Variants in CSRNP3 observed in about 807,000 individuals in gnomAD.
CSRNP3 encodes cysteine/serine-rich nuclear protein 3.
CSRNP3 carries 12 observed loss-of-function variants against 48.0 expected under a neutral mutation model. The ratio of observed to expected loss-of-function variants is 0.25; its 90% CI spans 0.16 to 0.41. CSRNP3 has a LOEUF of 0.41. Ranked by LOEUF, CSRNP3 falls within the 10% of genes least tolerant of loss-of-function variation. The pLI is 1.00. For synonymous variants in CSRNP3, 263 were observed against 269.7 expected, an observed-to-expected ratio of 0.98 and a Z score of 0.24; for missense variants, 580 against 724.4, an observed-to-expected ratio of 0.80 and a Z score of 2.29.
intron 5 of CSRNP3, among the ~76,000 whole-genome samples, chr2:165,662,014 A>G (rs1687105327): frequency 6.6e-6 from 1 of 152,132 alleles, no homozygotes; most frequent in Non-Finnish European, 1.5e-5. Context: ...AATAGAGAAC[A>G]CATTTATATA....
chr2:165,563,440 T>C (rs1445351640), intron 3 of CSRNP3, among the ~76,000 whole-genome samples: 1 of 152,180 alleles, frequency 6.6e-6, no homozygotes, highest in Non-Finnish European at 1.5e-5. Context: ...TCCCTTTTTT[T>C]GTCTATAAAT....
At chr2:165,634,136 C>T (rs1474799127) in intron 4 of CSRNP3, among the ~76,000 whole-genome samples, 1 of 152,032 alleles carries the variant, frequency 6.6e-6, no homozygotes, top group Non-Finnish European at 1.5e-5. Flanking sequence ...CCCAGGAGTT[C>T]GAGACCAGCC....
chr2:165,644,536 GA>G lies in CSRNP3; in HGVS notation c.149-13224del, dbSNP rs1192923885. ...AGTGCCCAGCAGTGTGCTGTACCCT[GA>G]GGGTTCCATAGTAAGATATAGTCCT... On this transcript the variant is annotated intron_variant, in intron 4 of 6. Transcript: ENST00000651982. Among the ~76,000 whole-genome samples the G allele has an allele frequency of 2.0e-5, 3 of 152,262 alleles. No homozygotes were observed. The East Asian group carries it at 5.8e-4, about 29-fold the overall frequency.
At chr2:165,593,192 A>C (rs946727237) in intron 3 of CSRNP3, among the ~76,000 whole-genome samples, 1 of 152,200 alleles carries the variant, frequency 6.6e-6, no homozygotes, top group Non-Finnish European at 1.5e-5. Flanking sequence ...TTTTGCTAGG[A>C]ATTACACCAG....
At chr2:165,504,047 T>C (rs1684393092) in intron 2 of CSRNP3, among the ~76,000 whole-genome samples, 1 of 152,132 alleles carries the variant, frequency 6.6e-6, no homozygotes, top group South Asian at 2.1e-4. Context: ...AATATAAAAC[T>C]ATAATTGCCT....
At chr2:165,477,639 A>G (rs1683982515) in intron 1 of CSRNP3, among the ~76,000 whole-genome samples, 1 of 149,398 alleles carries the variant, frequency 6.7e-6, no homozygotes, top group South Asian at 2.1e-4. Context: ...ACTGCACTCC[A>G]GCCTGGGCGA....
At chr2:165,496,733 A>G (rs1015167158) in intron 2 of CSRNP3, among the ~76,000 whole-genome samples, 1 of 151,848 alleles carries the variant, frequency 6.6e-6, no homozygotes, top group African/African-American at 2.4e-5. Context: ...TACCTTTGAG[A>G]TGCTTCCTCA....
chr2:165,656,530 A>C (rs1051537393), intron 4 of CSRNP3, among the ~76,000 whole-genome samples: 4 of 152,128 alleles, frequency 2.6e-5, no homozygotes, highest in Admixed American at 1.3e-4. Context: ...AATATATATA[A>C]TTTTTATTTG....
chr2:165,492,724 T>TAA (rs11304265), intron 1 of CSRNP3, among the ~76,000 whole-genome samples: 4 of 110,178 alleles, frequency 3.6e-5, no homozygotes, highest in Non-Finnish European at 7.2e-5. Context: ...ACTATTAGAG[T>TAA]AAAAAAAAAA....
At chr2:165,476,248 G>A (rs995575114) in intron 1 of CSRNP3, among the ~76,000 whole-genome samples, 4 of 152,126 alleles carry the variant, frequency 2.6e-5, no homozygotes, top group East Asian at 3.9e-4. Context: ...ATTCTAAGCC[G>A]TAATGCCTGG....
chr2:165,550,976 C>CA (rs1236611331), intron 3 of CSRNP3, among the ~76,000 whole-genome samples: 1 of 150,392 alleles, frequency 6.6e-6, no homozygotes, highest in Non-Finnish European at 1.5e-5. Flanking sequence ...AGAAGACTTA[C>CA]TTTTTTTTTT....
intron 3 of CSRNP3, among the ~76,000 whole-genome samples, chr2:165,538,369 T>G (rs571199707): frequency 1.3e-3 from 191 of 152,072 alleles, no homozygotes; most frequent in Middle Eastern, 6.8e-3. Flanking sequence ...ATTCTAATTT[T>G]CAGTGATACC....
At chr2:165,471,863 A>G (rs953586077) in intron 1 of CSRNP3, among the ~76,000 whole-genome samples, 11 of 147,674 alleles carry the variant, frequency 7.4e-5, no homozygotes, top group Non-Finnish European at 3.1e-5. Context: ...GACAAGAGAG[A>G]AAAAAAAAGC....
intron 4 of CSRNP3, among the ~76,000 whole-genome samples, chr2:165,647,992 A>G (rs1209084052): frequency 1.3e-5 from 2 of 152,126 alleles, no homozygotes; most frequent in Non-Finnish European, 2.9e-5. Flanking sequence ...GAACGGGGGG[A>G]AAATTCCTAA....
At chr2:165,620,210 T>A (rs910798370) in intron 4 of CSRNP3, among the ~76,000 whole-genome samples, 4 of 152,162 alleles carry the variant, frequency 2.6e-5, no homozygotes, top group Admixed American at 1.3e-4. Flanking sequence ...TATGTCCATA[T>A]AAATCTTCCA....
At chr2:165,624,209 A>T (rs867742775) in intron 4 of CSRNP3, among the ~76,000 whole-genome samples, 5 of 152,222 alleles carry the variant, frequency 3.3e-5, no homozygotes, top group Admixed American at 6.5e-5. Flanking sequence ...AATGTATTTA[A>T]TATTTTTATT....
intron 3 of CSRNP3, among the ~76,000 whole-genome samples, chr2:165,541,351 A>G (rs1684955311): frequency 6.6e-6 from 1 of 151,986 alleles, no homozygotes; most frequent in African/African-American, 2.4e-5. Flanking sequence ...ATCACTTTTC[A>G]TATGGCTCCT....
intron 3 of CSRNP3, among the ~76,000 whole-genome samples, chr2:165,559,953 C>T (rs1310464577): frequency 2.6e-5 from 4 of 151,916 alleles, no homozygotes; most frequent in Non-Finnish European, 5.9e-5. Flanking sequence ...GCGCCCGCCA[C>T]CAAGCCCGAC....
intron 5 of CSRNP3, among the ~76,000 whole-genome samples, chr2:165,665,954 C>T (rs112538024): frequency 0.5 from 52,324 of 105,102 alleles, 11,808 homozygotes; most frequent in Middle Eastern, 0.65. Flanking sequence ...GAAGGAAGGA[C>T]GGAAGGAAAG....
Sources: gnomAD v4.1 joint callset for allele counts (sites outside exome capture counted in the v4.1 genomes callset) on GRCh38, gnomAD v4.1.1 for gene constraint, MANE v1.5 for transcripts, NCBI Gene and HGNC (gene_info 2026-07-23, HGNC 2026-07-21) for gene names.